GSTA2: variants seen among roughly 807,000 people sequenced by gnomAD.
GSTA2 encodes the protein glutathione S-transferase A2.
In GSTA2, 27 loss-of-function variants were observed where a neutral mutation model predicts 22.4. That is an observed-to-expected ratio of 1.21 (90% CI 0.89 to 1.67). The LOEUF (loss-of-function observed/expected upper bound fraction) is 1.67. Among genes scored for constraint, GSTA2 ranks in the 40% most tolerant of loss-of-function variants. The pLI, the probability that GSTA2 is intolerant of heterozygous loss-of-function variation, is 0.00. For missense variants in GSTA2, 302 were observed against 260.2 expected, an observed-to-expected ratio of 1.16 and a Z score of -1.11; for synonymous variants, 121 against 86.8, an observed-to-expected ratio of 1.39 and a Z score of -2.19.
intron 1 of GSTA2, among the ~76,000 whole-genome samples, chr6:52,760,301 A>T (rs1762930725): frequency 6.6e-6 from 1 of 152,154 alleles, no homozygotes; most frequent in African/African-American, 2.4e-5. Context: ...TTATCACAAC[A>T]CTCCAGCTGA....
chr6:52,755,935 T>C (rs1035262461), intron 3 of GSTA2, among the ~76,000 whole-genome samples: 8 of 152,164 alleles, frequency 5.3e-5, no homozygotes, highest in African/African-American at 1.9e-4. Context: ...TGCATGTGCT[T>C]GGATGGAGAG....
Position 52,757,851 on chromosome 6 carries a change from C to G in GSTA2, c.87+10G>C. 3.1e-6 allele frequency: 5 copies of G among 1,610,754 alleles called. No individual in the cohort carries two copies. The highest frequency in any genetic ancestry group is 4.2e-6 in the Non-Finnish European group (5 of 1,177,016). On this transcript the variant is annotated intron_variant, in intron 2 of 6. Transcript: ENST00000493422. ...AAATCTGACTTAAGATGACCTAACT[C>G]AGAACCTACCTCTACTCCAGCTGCA...
chr6:52,751,796 C>T (rs574116103), intron 5 of GSTA2, 88 bp from the exon 6 acceptor site: 46 of 1,590,834 alleles, frequency 2.9e-5, no homozygotes, highest in Admixed American at 2.3e-4. Flanking sequence ...CCCTGACTTT[C>T]CCCACCTCTG....
Position 52,750,516 on chromosome 6 carries a change from T to C in GSTA2, c.*61A>G. 1 of 1,565,628 alleles carries C rather than the reference T, an allele frequency of 6.4e-7. No individual in the cohort carries two copies. Among genetic ancestry groups the C allele is most frequent in the Non-Finnish European group, 8.8e-7 (1 of 1,141,720 alleles). On this transcript the variant is annotated 3_prime_UTR_variant, in exon 7 of 7. Transcript: ENST00000493422. ...ACAATCAACACTTAGGTAAAGCACT[T>C]AATTGTTGCAAAACTTTAGAATACT... is the stretch of plus-strand genomic sequence containing the variant.
rs1233815957 is a variant in GSTA2, at chr6:52,757,977, C to G, written c.-30G>C. On this transcript the variant is annotated splice_region_variant and 5_prime_UTR_variant, in exon 2 of 7. Coordinates refer to ENST00000493422, the MANE Select transcript of GSTA2 (RefSeq NM_000846.5). The stretch of plus-strand genomic sequence containing the variant: ...GCAGTCTCCTGGAGGTTTCTCTAAG[C>G]CTGAGTGAATGAATGAATGAATGAA... The G allele has an allele frequency of 6.8e-7, 1 of 1,473,532 alleles. No homozygotes were observed. The highest frequency in any genetic ancestry group is 1.4e-5 in the African/African-American group (1 of 71,526). 91.3% of individuals were successfully genotyped at this position (1,473,532 alleles called of 1,614,324 possible).
At chr6:52,755,150 T>C in intron 3 of GSTA2, 75 bp from the exon 4 acceptor site, 1 of 1,574,550 alleles carries the variant, frequency 6.4e-7, no homozygotes, top group Non-Finnish European at 8.6e-7. Flanking sequence ...AAAATGGTTG[T>C]TGAAATGACT....
At chr6:52,750,755 C>T (rs1264787437) in intron 6 of GSTA2, 56 bp from the exon 7 acceptor site, 3 of 1,596,066 alleles carry the variant, frequency 1.9e-6, no homozygotes, top group Non-Finnish European at 2.6e-6. Context: ...CTGACACCCC[C>T]ATTAACATGA....
At chr6:52,758,675 G>A (rs1017216642) in intron 1 of GSTA2, among the ~76,000 whole-genome samples, 1 of 152,184 alleles carries the variant, frequency 6.6e-6, no homozygotes, top group Non-Finnish European at 1.5e-5. Context: ...GTAGCTAGAA[G>A]ATCCAAATTC....
At position 52,750,465 on chromosome 6, in the gene GSTA2, A is replaced by G. The variant is rs1762714395; in HGVS notation, c.*112T>C. ...ATTATTTAATTAGCATATAATTTGAAAGAGTTCATTAGCTTCACAACAGGC... is the reference window on the plus strand; with the variant it reads ...ATTATTTAATTAGCATATAATTTGAGAGAGTTCATTAGCTTCACAACAGGC... On this transcript the variant is annotated 3_prime_UTR_variant, in exon 7 of 7. Transcript: ENST00000493422. 4 of 980,346 alleles carry G rather than the reference A, an allele frequency of 4.1e-6. No individual in the cohort carries two copies. In the Admixed American group the frequency reaches 9.2e-5, roughly 23 times the overall value. The allele number at this position is 980,346 out of a possible 1,614,324, so 60.7% of individuals were successfully genotyped here. A position where few individuals can be genotyped will look rare whatever the true frequency, so the allele number is the denominator to read the frequency against.
At chr6:52,761,040 AT>A (rs1428323815) in intron 1 of GSTA2, among the ~76,000 whole-genome samples, 12 of 152,320 alleles carry the variant, frequency 7.9e-5, no homozygotes, top group African/African-American at 2.9e-4. Context: ...GAGATAAACC[AT>A]GACTCCTTCC....
intron 1 of GSTA2, among the ~76,000 whole-genome samples, chr6:52,761,843 AAG>A (rs1019490121): frequency 6.6e-6 from 1 of 150,684 alleles, no homozygotes; most frequent in African/African-American, 2.4e-5. Context: ...GGGGAAAAGA[AAG>A]AGAGATCAGA....
Position 52,755,002 on chromosome 6 carries a change from A to G in GSTA2, c.213T>C (p.Ile71=). 6.2e-7 allele frequency: 1 copy of G among 1,614,066 alleles called. No individual in the cohort carries two copies. Among genetic ancestry groups the G allele is most frequent in the Non-Finnish European group, 8.5e-7 (1 of 1,180,014 alleles). Residue 71 remains isoleucine, a synonymous_variant, in exon 4 of 7, where the codon ATT becomes ATC. Coordinates refer to ENST00000493422, the MANE Select transcript of GSTA2 (RefSeq NM_000846.5). ...TGTATTTGCTGGCAATGTAGTTGAG[A>G]ATGGCTCTGGTCTGCACCAGCTTCA... ...DGMKLVQTRA[I]LNYIASKYNL... is the part of the protein sequence containing the mutation.
At chr6:52,756,010 G>A (rs1306447256) in intron 3 of GSTA2, among the ~76,000 whole-genome samples, 2 of 152,100 alleles carry the variant, frequency 1.3e-5, no homozygotes, top group Non-Finnish European at 2.9e-5. Flanking sequence ...TGAAAACAAA[G>A]AAAGGGCTTT....
intron 1 of GSTA2, among the ~76,000 whole-genome samples, chr6:52,759,563 G>GTTTTTTTTTGTTTTTTTTTT (rs1762913408): frequency 2.9e-5 from 1 of 34,162 alleles, no homozygotes; most frequent in African/African-American, 8.7e-5. Flanking sequence ...GTATTTATTT[G>GTTTTTTTTTGTTTTTTTTTT]TTTTTTTTTT....
At chr6:52,753,278 G>T (rs560756147) in intron 4 of GSTA2, among the ~76,000 whole-genome samples, 109 of 152,228 alleles carry the variant, frequency 7.2e-4, no homozygotes, top group African/African-American at 2.6e-3. Context: ...AAGATCATCG[G>T]TGGTCACAGT....
At chr6:52,757,632 T>C (rs531646873) in intron 2 of GSTA2, among the ~76,000 whole-genome samples, 2 of 152,368 alleles carry the variant, frequency 1.3e-5, no homozygotes, top group East Asian at 3.9e-4. Context: ...TCCACTTAAG[T>C]TCTGCACTTT....
chr6:52,760,453 C>T (rs1451806760), intron 1 of GSTA2, among the ~76,000 whole-genome samples: 1 of 152,152 alleles, frequency 6.6e-6, no homozygotes, highest in Admixed American at 6.5e-5. Flanking sequence ...TACACACATG[C>T]TCCTCATTCA....
chr6:52,762,134 A>C (rs1762962052), intron 1 of GSTA2, among the ~76,000 whole-genome samples: 1 of 151,748 alleles, frequency 6.6e-6, no homozygotes, highest in Non-Finnish European at 1.5e-5. Flanking sequence ...GGAAGGCCGC[A>C]GGGACCTCTG....
At chr6:52,756,382 A>G (rs1762846275) in intron 2 of GSTA2, 73 bp from the exon 3 acceptor site, 6 of 1,140,790 alleles carry the variant, frequency 5.3e-6, no homozygotes, top group African/African-American at 1.5e-5. Flanking sequence ...AATGGCCTCT[A>G]TCTGGTGCAT....
Sources: gnomAD v4.1 joint callset for allele counts (sites outside exome capture counted in the v4.1 genomes callset) on GRCh38, gnomAD v4.1.1 for gene constraint, MANE v1.5 for transcripts, NCBI Gene and HGNC (gene_info 2026-07-23, HGNC 2026-07-21) for gene names.